The following SAMD5 variants were observed in gnomAD, a reference collection of about 807,000 sequenced individuals.
The protein encoded by SAMD5 is sterile alpha motif domain-containing protein 5.
Under a neutral mutation model 11.3 loss-of-function variants are expected in SAMD5, and 13 were observed. The ratio of observed to expected loss-of-function variants is 1.15; its 90% confidence interval spans 0.75 to 1.83. SAMD5 has a LOEUF of 1.83. Ranked by LOEUF, SAMD5 falls within the 40% of genes most tolerant of loss-of-function variation. The pLI, the probability that SAMD5 is intolerant of heterozygous loss-of-function variation, is 0.00. For missense variants in SAMD5, 255 were observed against 239.1 expected (o/e 1.07, Z -0.44); for synonymous variants, 129 against 111.3 (o/e 1.16, Z -1.00).
intron 1 of SAMD5, among the ~76,000 whole-genome samples, chr6:147,539,849 T>G (rs1285340159): frequency 6.6e-6 from 1 of 152,182 alleles, no homozygotes; most frequent in East Asian, 1.9e-4. Flanking sequence ...AGCTGGCTTT[T>G]AATCATAGTG....
At chr6:147,875,258 T>C in the SAMD5 span, among the ~76,000 whole-genome samples, 1 of 152,178 alleles carries the variant, frequency 6.6e-6, no homozygotes, top group Non-Finnish European at 1.5e-5. Flanking sequence ...GAAATGTGAA[T>C]TATGTGATTA....
chr6:147,790,464 A>G, the SAMD5 span, among the ~76,000 whole-genome samples: 2 of 152,228 alleles, frequency 1.3e-5, no homozygotes, highest in East Asian at 1.9e-4. Context: ...TTGCCTTGCT[A>G]TTATCTTTAT....
chr6:147,696,523 C>T (rs77184903), intron 1 of SAMD5, among the ~76,000 whole-genome samples: 2 of 152,162 alleles, frequency 1.3e-5, no homozygotes, highest in East Asian at 1.9e-4. Context: ...CCCTGTTACC[C>T]GTGTGCACTC....
chr6:147,654,608 T>G (rs1213696734), intron 1 of SAMD5, among the ~76,000 whole-genome samples: 1 of 152,142 alleles, frequency 6.6e-6, no homozygotes, highest in African/African-American at 2.4e-5. Context: ...TTCTTCCTTC[T>G]GATTAGCCTG....
the SAMD5 span, among the ~76,000 whole-genome samples, chr6:147,800,522 G>T: frequency 6.6e-6 from 1 of 152,334 alleles, no homozygotes; most frequent in East Asian, 1.9e-4. Flanking sequence ...CTGTCTCTTT[G>T]TTTGTCTGTG....
the SAMD5 span, among the ~76,000 whole-genome samples, chr6:147,895,000 C>G: frequency 0.21 from 31,670 of 152,078 alleles, 3,383 homozygotes; most frequent in Non-Finnish European, 0.23. Context: ...CTCATCTCAC[C>G]TCTCATTAAT....
chr6:147,875,018 T>G, the SAMD5 span, among the ~76,000 whole-genome samples: 2 of 152,178 alleles, frequency 1.3e-5, no homozygotes, highest in African/African-American at 4.8e-5. Context: ...TACTGTTTTC[T>G]TAAGCAAAGA....
Position 147,566,590 on chromosome 6 carries a change from T to C in SAMD5, c.*2134T>C, listed in dbSNP as rs1360859055. 6.6e-5 allele frequency: 65 copies of C among 980,574 alleles called. No individual in the cohort carries two copies. Among genetic ancestry groups the C allele is most frequent in the Non-Finnish European group, 7.9e-5 (65 of 825,234 alleles). 60.7% of individuals were successfully genotyped at this position (980,574 alleles called of 1,614,324 possible). On this transcript the variant is annotated 3_prime_UTR_variant, in exon 2 of 2. Coordinates refer to ENST00000367474, the MANE Select transcript of SAMD5 (RefSeq NM_001030060.3). ...TTCCTTGGTCATTTCAAGTTTTATT[T>C]TCTATTAGAGTAATATCTAACTTCA...
chr6:147,644,331 T>C (rs1160959982), intron 1 of SAMD5, among the ~76,000 whole-genome samples: 8 of 152,178 alleles, frequency 5.3e-5, no homozygotes, highest in African/African-American at 1.9e-4. Context: ...ACCTGGGAAA[T>C]ATAATTCCAA....
the SAMD5 span, among the ~76,000 whole-genome samples, chr6:147,790,173 C>T: frequency 1.3e-5 from 2 of 152,160 alleles, no homozygotes; most frequent in African/African-American, 2.4e-5. Context: ...GCAAGATGTC[C>T]TTCAGTAGAT....
At chr6:147,876,955 A>G in the SAMD5 span, among the ~76,000 whole-genome samples, 1 of 152,226 alleles carries the variant, frequency 6.6e-6, no homozygotes, top group African/African-American at 2.4e-5. Flanking sequence ...GTTTTGGCAG[A>G]TAGTAGAGTT....
chr6:147,786,933 A>G, the SAMD5 span, among the ~76,000 whole-genome samples: 2 of 152,182 alleles, frequency 1.3e-5, no homozygotes, highest in Non-Finnish European at 2.9e-5. Flanking sequence ...TGAGATTTGC[A>G]AGGATATTTG....
chr6:147,726,537 G>T (rs779084581), intron 1 of SAMD5, among the ~76,000 whole-genome samples: 1 of 152,144 alleles, frequency 6.6e-6, no homozygotes, highest in Non-Finnish European at 1.5e-5. Flanking sequence ...CCCAGGCCCA[G>T]GTCCAGGCCC....
the SAMD5 span, among the ~76,000 whole-genome samples, chr6:147,838,050 A>G: frequency 0.056 from 8,565 of 152,088 alleles, 376 homozygotes; most frequent in African/African-American, 0.12. Flanking sequence ...TTAATTATCA[A>G]AATATGTATA....
At chr6:147,875,406 C>A in the SAMD5 span, among the ~76,000 whole-genome samples, 1 of 152,158 alleles carries the variant, frequency 6.6e-6, no homozygotes, top group Non-Finnish European at 1.5e-5. Flanking sequence ...CTTCTTTACA[C>A]CCCCACATGC....
At chr6:147,677,749 G>A (rs553738818) in intron 1 of SAMD5, among the ~76,000 whole-genome samples, 2 of 152,188 alleles carry the variant, frequency 1.3e-5, no homozygotes, top group South Asian at 2.1e-4. Flanking sequence ...GGGATGGGGA[G>A]GTTAGAGGGT....
chr6:147,804,055 C>G, the SAMD5 span, among the ~76,000 whole-genome samples: 2 of 151,966 alleles, frequency 1.3e-5, no homozygotes, highest in Non-Finnish European at 2.9e-5. Flanking sequence ...TCAGCCACAG[C>G]ATGTTGGCCA....
chr6:147,909,605 T>TTTC, the SAMD5 span, among the ~76,000 whole-genome samples: 120 of 69,996 alleles, frequency 1.7e-3, 15 homozygotes, highest in African/African-American at 0.01. Context: ...TCTTTCTTTC[T>TTTC]TTCTTTCTTT....
intron 1 of SAMD5, among the ~76,000 whole-genome samples, chr6:147,642,046 T>A (rs1790320280): frequency 6.6e-6 from 1 of 152,232 alleles, no homozygotes; most frequent in Non-Finnish European, 1.5e-5. Context: ...GAATTATACC[T>A]TTTGTTAAAA....
Sources: allele counts gnomAD v4.1 joint callset (sites outside exome capture counted in the v4.1 genomes callset), GRCh38; gene constraint gnomAD v4.1.1; transcripts MANE v1.5; gene names NCBI Gene and HGNC (gene_info 2026-07-23, HGNC 2026-07-21).